HSD17B12: variants seen among roughly 807,000 people sequenced by gnomAD.
HSD17B12 encodes hydroxysteroid 17-beta dehydrogenase 12.
A neutral mutation model predicts 39.3 loss-of-function variants in HSD17B12; 32 were observed. The ratio of observed to expected loss-of-function variants is 0.81; its 90% confidence interval spans 0.61 to 1.09. The LOEUF (loss-of-function observed/expected upper bound fraction) is 1.09. Among genes scored for constraint, HSD17B12 ranks in the 50% least tolerant of loss-of-function variants. The pLI, the probability that HSD17B12 is intolerant of heterozygous loss-of-function variation, is 0.00. For synonymous variants in HSD17B12, 150 were observed against 146.7 expected, an observed-to-expected ratio of 1.02 and a Z score of -0.16; for missense variants, 342 against 382.9, an observed-to-expected ratio of 0.89 and a Z score of 0.89.
the HSD17B12 span, among the ~76,000 whole-genome samples, chr11:43,570,894 T>C: frequency 6.6e-6 from 1 of 152,238 alleles, no homozygotes; most frequent in Non-Finnish European, 1.5e-5. Context: ...TCTCTTCTCA[T>C]GACAAGATTC....
chr11:43,721,942 G>A (rs1950180217), intron 1 of HSD17B12, among the ~76,000 whole-genome samples: 1 of 152,168 alleles, frequency 6.6e-6, no homozygotes. Flanking sequence ...TGTAAAGGAG[G>A]CTTGCAGTCA....
At chr11:43,752,865 TATAAC>T (rs1216349450) in intron 2 of HSD17B12, among the ~76,000 whole-genome samples, 2 of 152,180 alleles carry the variant, frequency 1.3e-5, no homozygotes, top group African/African-American at 2.4e-5. Flanking sequence ...TTAGTGGTGT[TATAAC>T]AGATTAATTT....
chr11:43,592,671 AC>A, the HSD17B12 span, among the ~76,000 whole-genome samples: 3 of 152,150 alleles, frequency 2.0e-5, no homozygotes, highest in African/African-American at 7.2e-5. Flanking sequence ...GACAGGCACA[AC>A]CTGGGTATAG....
chr11:43,784,058 G>A (rs1425430463), intron 3 of HSD17B12, among the ~76,000 whole-genome samples: 4 of 152,064 alleles, frequency 2.6e-5, no homozygotes, highest in African/African-American at 7.2e-5. Flanking sequence ...GGATTTATTC[G>A]GCCAGGAGCA....
chr11:43,699,126 A>G (rs953272834), intron 1 of HSD17B12, among the ~76,000 whole-genome samples: 3 of 152,190 alleles, frequency 2.0e-5, no homozygotes, highest in Non-Finnish European at 4.4e-5. Flanking sequence ...CTAGTGAAGT[A>G]TCATTTCAAC....
the HSD17B12 span, among the ~76,000 whole-genome samples, chr11:43,599,725 A>T: frequency 6.6e-6 from 1 of 152,202 alleles, no homozygotes; most frequent in African/African-American, 2.4e-5. Flanking sequence ...ACAATTTCCT[A>T]GGCACAGACA....
At chr11:43,691,345 T>C (rs905460995) in intron 1 of HSD17B12, among the ~76,000 whole-genome samples, 1 of 152,200 alleles carries the variant, frequency 6.6e-6, no homozygotes, top group African/African-American at 2.4e-5. Context: ...GAAAGTTTCT[T>C]AATTGTTTAG....
Position 43,855,245 on chromosome 11 carries a change from C to T in HSD17B12, c.936C>T (p.Asn312=). The change falls in exon 11 of 11, where the codon AAC becomes AAT. Residue 312 remains asparagine, a synonymous_variant. Coordinates refer to ENST00000278353, the MANE Select transcript of HSD17B12 (RefSeq NM_016142.3). ...ACTATCTGAAGAAAACCAAGAAGAA[C>T]TAAGCATTGATAACTGCATTGTAAC... ...RAHYLKKTKK[N] 1 of 1,591,888 alleles carries T rather than the reference C, an allele frequency of 6.3e-7. No homozygotes were observed. The highest frequency in any genetic ancestry group is 8.6e-7 in the Non-Finnish European group (1 of 1,164,034).
At chr11:43,630,048 G>A in the HSD17B12 span, among the ~76,000 whole-genome samples, 1,471 of 152,254 alleles carry the variant, frequency 9.7e-3, 21 homozygotes, top group African/African-American at 0.034. Flanking sequence ...TCTGGATCAG[G>A]CAGTGACTCT....
chr11:43,839,701 T>TA (rs1012109521), intron 8 of HSD17B12, among the ~76,000 whole-genome samples: 3 of 152,026 alleles, frequency 2.0e-5, no homozygotes, highest in African/African-American at 7.2e-5. Flanking sequence ...AAGAGAAAAA[T>TA]ATTTTTTCTT....
At chr11:43,802,936 C>G (rs1183676937) in intron 4 of HSD17B12, among the ~76,000 whole-genome samples, 1 of 152,166 alleles carries the variant, frequency 6.6e-6, no homozygotes, top group African/African-American at 2.4e-5. Flanking sequence ...TTTACATAAT[C>G]CTTTAAAGTG....
At chr11:43,726,336 A>C (rs1950219704) in intron 1 of HSD17B12, among the ~76,000 whole-genome samples, 2 of 152,144 alleles carry the variant, frequency 1.3e-5, no homozygotes, top group African/African-American at 4.8e-5. Flanking sequence ...CAGGGGATAG[A>C]GTGGGTGAGG....
At chr11:43,604,531 A>C in the HSD17B12 span, among the ~76,000 whole-genome samples, 1 of 152,220 alleles carries the variant, frequency 6.6e-6, no homozygotes, top group African/African-American at 2.4e-5. Flanking sequence ...ATTTGAAGGC[A>C]GCTACTGTTG....
upstream of HSD17B12, among the ~76,000 whole-genome samples, chr11:43,680,106 C>T (rs953933252): frequency 4.6e-5 from 7 of 151,128 alleles, 1 homozygote; most frequent in Admixed American, 4.6e-4. Context: ...GATGGAGTCT[C>T]ACTCCGTCGC....
At chr11:43,733,572 A>C (rs1472615108) in intron 1 of HSD17B12, among the ~76,000 whole-genome samples, 1 of 152,256 alleles carries the variant, frequency 6.6e-6, no homozygotes, top group Non-Finnish European at 1.5e-5. Flanking sequence ...TGAGTGATAC[A>C]TTGAATAGTT....
intron 3 of HSD17B12, among the ~76,000 whole-genome samples, chr11:43,760,693 T>C (rs1950548624): frequency 6.6e-6 from 1 of 152,226 alleles, no homozygotes; most frequent in Non-Finnish European, 1.5e-5. Flanking sequence ...GATGCAGTAA[T>C]AATACCATTA....
chr11:43,717,080 C>T (rs1209159748), intron 1 of HSD17B12, among the ~76,000 whole-genome samples: 3 of 152,034 alleles, frequency 2.0e-5, no homozygotes, highest in East Asian at 3.9e-4. Context: ...ATCCAAGTAA[C>T]GATTTCAAGG....
In HSD17B12 at chr11:43,831,122, T is replaced by C; in HGVS notation, c.536+112T>C. 1.0e-6 allele frequency: 1 copy of C among 961,142 alleles called. No homozygotes were observed. Among genetic ancestry groups the C allele is most frequent in the Non-Finnish European group, 1.6e-6 (1 of 636,578 alleles). The allele number at this position is 961,142 out of a possible 1,614,324, so 59.5% of individuals were successfully genotyped here. ...AAGTGACTAATGAACCAAGCCTCCA[T>C]GTCTTAGCCACAGAGTGATGTACCA... On this transcript the variant is annotated intron_variant, in intron 7 of 10. Transcript: ENST00000278353. This position sits in a 1 kb window ranked among gnomAD's most constrained non-coding sequence, Gnocchi z 4.1.
At chr11:43,619,965 G>A in the HSD17B12 span, among the ~76,000 whole-genome samples, 1 of 152,206 alleles carries the variant, frequency 6.6e-6, no homozygotes, top group African/African-American at 2.4e-5. Context: ...GCATCCATGG[G>A]AGGTTTTGAA....
Sources: gnomAD v4.1 joint callset for allele counts (sites outside exome capture counted in the v4.1 genomes callset) on GRCh38, gnomAD v4.1.1 for gene constraint, Gnocchi (gnomAD v3.1) non-coding constraint, MANE v1.5 for transcripts, NCBI Gene and HGNC (gene_info 2026-07-23, HGNC 2026-07-21) for gene names.